ADARB2: variants seen among roughly 807,000 people sequenced by gnomAD.
ADARB2 encodes inactive double-stranded RNA-specific editase B2.
ADARB2 carries 25 observed loss-of-function variants against 62.2 expected under a neutral mutation model. That is an observed-to-expected ratio of 0.40 (90% CI 0.29 to 0.56). The LOEUF (loss-of-function observed/expected upper bound fraction) is 0.56. Among genes scored for constraint, ADARB2 ranks in the 20% least tolerant of loss-of-function variants. The pLI, the probability that ADARB2 is intolerant of heterozygous loss-of-function variation, is 0.43. For missense variants in ADARB2, 1,071 were observed against 1,077.4 expected (o/e 0.99, Z 0.08); for synonymous variants, 572 against 500.8 (o/e 1.14, Z -1.90).
intron 1 of ADARB2, among the ~76,000 whole-genome samples, chr10:1,670,678 C>T (rs1369137475): frequency 2.6e-5 from 4 of 152,210 alleles, no homozygotes; most frequent in Admixed American, 2.6e-4. Context: ...CGCTTACTGT[C>T]GCTCAGGGCC....
At chr10:1,662,896 C>A (rs1403297067) in intron 1 of ADARB2, among the ~76,000 whole-genome samples, 1 of 152,146 alleles carries the variant, frequency 6.6e-6, no homozygotes, top group African/African-American at 2.4e-5. Context: ...TTCTACGGAC[C>A]AGACATTTGT....
At chr10:1,307,953 A>C (rs1589187776) in intron 3 of ADARB2, among the ~76,000 whole-genome samples, 2 of 117,192 alleles carry the variant, frequency 1.7e-5, no homozygotes, top group Non-Finnish European at 1.7e-5. Context: ...GGGGGGAGGG[A>C]TAGCATTGGG....
At chr10:1,551,475 C>G (rs1001163227) in intron 1 of ADARB2, among the ~76,000 whole-genome samples, 2 of 152,222 alleles carry the variant, frequency 1.3e-5, no homozygotes, top group Admixed American at 6.5e-5. Flanking sequence ...GAGGCAGGCT[C>G]GAGCAGGACT....
At chr10:1,344,895 T>C (rs1283538305) in intron 3 of ADARB2, among the ~76,000 whole-genome samples, 1 of 152,186 alleles carries the variant, frequency 6.6e-6, no homozygotes, top group Non-Finnish European at 1.5e-5. Context: ...TGTTTCTCCA[T>C]GTGGCCTTCA....
At chr10:1,647,500 T>C (rs1834058675) in intron 1 of ADARB2, among the ~76,000 whole-genome samples, 1 of 152,228 alleles carries the variant, frequency 6.6e-6, no homozygotes, top group Non-Finnish European at 1.5e-5. Flanking sequence ...TATACATGTG[T>C]ATATATATGC....
intron 1 of ADARB2, among the ~76,000 whole-genome samples, chr10:1,455,406 G>A (rs1831084866): frequency 6.6e-6 from 1 of 152,140 alleles, no homozygotes; most frequent in East Asian, 1.9e-4. Context: ...AGACTATGAT[G>A]ATATTGAATT....
intron 1 of ADARB2, among the ~76,000 whole-genome samples, chr10:1,685,488 A>C (rs1834587157): frequency 6.6e-6 from 1 of 152,210 alleles, no homozygotes; most frequent in Admixed American, 6.5e-5. Flanking sequence ...CACAGAGTGA[A>C]ATAATATATT....
At position 1,477,080 on chromosome 10, in the gene ADARB2, C is replaced by T. The variant is rs774826206; in HGVS notation, c.101-97920G>A. Among the ~76,000 whole-genome samples, 10 of 152,136 alleles carry T rather than the reference C, an allele frequency of 6.6e-5. No individual in the cohort carries two copies. The highest frequency in any genetic ancestry group is 3.9e-4 in the East Asian group (2 of 5,186). On this transcript the variant is annotated intron_variant, in intron 1 of 9. Coordinates refer to ENST00000381312, the MANE Select transcript of ADARB2 (RefSeq NM_018702.4). The surrounding 1 kb of genome is among the most constrained non-coding windows in gnomAD (Gnocchi z 4.5). Reference sequence around the variant, plus strand: ...AACCCCTAGAGCACCTTCACAGCCACGCAAGGGCACCCTCCCACTGCGCAG... The same window carrying T: ...AACCCCTAGAGCACCTTCACAGCCATGCAAGGGCACCCTCCCACTGCGCAG...
At chr10:1,253,474 C>A (rs186136382) in intron 4 of ADARB2, among the ~76,000 whole-genome samples, 4 of 152,340 alleles carry the variant, frequency 2.6e-5, no homozygotes, top group African/African-American at 7.2e-5. Flanking sequence ...TGAGCACTCG[C>A]TTGCTTTAAA....
intron 8 of ADARB2, among the ~76,000 whole-genome samples, chr10:1,190,823 A>C (rs1236253470): frequency 6.6e-6 from 1 of 152,218 alleles, no homozygotes; most frequent in African/African-American, 2.4e-5. Context: ...ACATCTGCAA[A>C]GACCCCTTTT....
At chr10:1,475,111 C>T (rs764433277) in intron 1 of ADARB2, among the ~76,000 whole-genome samples, 11 of 152,136 alleles carry the variant, frequency 7.2e-5, no homozygotes, top group African/African-American at 1.7e-4. Flanking sequence ...GAAATCAACG[C>T]GGCGTCGTCA....
At chr10:1,623,797 G>A (rs1833735554) in intron 1 of ADARB2, among the ~76,000 whole-genome samples, 1 of 152,182 alleles carries the variant, frequency 6.6e-6, no homozygotes, top group Non-Finnish European at 1.5e-5. Flanking sequence ...TGTTCATAGA[G>A]CTTATTAGAG....
At chr10:1,244,029 C>T (rs370454122) in intron 4 of ADARB2, among the ~76,000 whole-genome samples, 13 of 152,232 alleles carry the variant, frequency 8.5e-5, no homozygotes, top group African/African-American at 2.7e-4. Flanking sequence ...GAGCAGCTGC[C>T]GGGTTCCAGG....
intron 6 of ADARB2, among the ~76,000 whole-genome samples, chr10:1,224,347 C>T (rs1830724640): frequency 6.9e-6 from 1 of 145,436 alleles, no homozygotes; most frequent in African/African-American, 2.5e-5. Flanking sequence ...AGTGGTCTAT[C>T]ACATTTTGTT....
At chr10:1,451,651 AAGGGG>A in intron 1 of ADARB2, among the ~76,000 whole-genome samples, 1 of 151,294 alleles carries the variant, frequency 6.6e-6, no homozygotes, top group South Asian at 2.1e-4. Flanking sequence ...CCTGTATGAG[AAGGGG>A]ACACACCTGT....
chr10:1,710,660 A>G (rs184648007), intron 1 of ADARB2, among the ~76,000 whole-genome samples: 1 of 152,288 alleles, frequency 6.6e-6, no homozygotes, highest in East Asian at 1.9e-4. Context: ...ACACCACACT[A>G]CCATCAGCGT....
At chr10:1,411,512 G>A (rs1832759461) in intron 1 of ADARB2, among the ~76,000 whole-genome samples, 1 of 152,146 alleles carries the variant, frequency 6.6e-6, no homozygotes, top group African/African-American at 2.4e-5. Context: ...CCCAAAGCGG[G>A]AATTTGAAGC....
Position 1,182,441 on chromosome 10 carries a change from T to G in ADARB2, c.*752A>C, listed in dbSNP as rs1478470473. 1 of 151,412 alleles carries G rather than the reference T, an allele frequency of 6.6e-6. No individual in the cohort carries two copies. 9.4% of individuals were successfully genotyped at this position (151,412 alleles called of 1,614,324 possible). On this transcript the variant is annotated 3_prime_UTR_variant, in exon 10 of 10. Transcript: ENST00000381312. ...ACGCGTGGGCCGGGTGTTTCCAGGC[T>G]CCCCACATCTGCAGCACGCGTGGGC...
intron 7 of ADARB2, among the ~76,000 whole-genome samples, chr10:1,205,990 C>T (rs1277169109): frequency 1.3e-5 from 2 of 151,032 alleles, no homozygotes; most frequent in Non-Finnish European, 2.9e-5. Flanking sequence ...TGTCACGGGG[C>T]AGCCCGCTGG....
Sources: allele counts gnomAD v4.1 joint callset (sites outside exome capture counted in the v4.1 genomes callset), GRCh38; gene constraint gnomAD v4.1.1; non-coding constraint Gnocchi (gnomAD v3.1); transcripts MANE v1.5; gene names NCBI Gene and HGNC (gene_info 2026-07-23, HGNC 2026-07-21).